HAGH: variants seen among roughly 807,000 people sequenced by gnomAD.
HAGH encodes the protein hydroxyacylglutathione hydrolase, mitochondrial.
HAGH carries 29 observed loss-of-function variants against 35.1 expected under a neutral mutation model. The ratio of observed to expected loss-of-function variants is 0.83; its 90% CI spans 0.62 to 1.13. The LOEUF is 1.13. Ranked by LOEUF, HAGH falls within the 50% of genes most tolerant of loss-of-function variation. The pLI, the probability that HAGH is intolerant of heterozygous loss-of-function variation, is 0.00. For missense variants in HAGH, 478 were observed against 419.6 expected (o/e 1.14, Z -1.22); for synonymous variants, 225 against 176.1 (o/e 1.28, Z -2.20).
chr16:1,813,462 A>G (rs141491304), intron 7 of HAGH, among the ~76,000 whole-genome samples: 4 of 152,350 alleles, frequency 2.6e-5, no homozygotes, highest in African/African-American at 9.6e-5. Context: ...GTTAATACGC[A>G]TCCACTGTAT....
Position 1,809,333 on chromosome 16 carries a change from T to G in HAGH, c.877A>C (p.Met293Leu). ...TCCTTCTCCCTGCGCACGGCCCGCA[T>G]GGTGGTCACCGGGTCCGTCTCACCT... ...HAGETDPVTT[M>L]RAVRREKDQF... The change falls in exon 9 of 9, where the codon ATG (methionine) becomes CTG (leucine). Residue 293 changes from methionine to leucine, a missense_variant. Met to Leu is a conservative substitution (Grantham distance 15). Transcript: ENST00000397356. The G allele has an allele frequency of 6.2e-7, 1 of 1,613,772 alleles. No homozygotes were observed. The highest frequency in any genetic ancestry group is 8.5e-7 in the Non-Finnish European group (1 of 1,179,920).
At chr16:1,809,997 C>T (rs1664047155) in intron 7 of HAGH, 164 bp from the exon 8 acceptor site, 4 of 609,736 alleles carry the variant, frequency 6.6e-6, no homozygotes, top group Admixed American at 5.5e-5. Context: ...GACCCTGTGT[C>T]TACTAAAAAT....
At chr16:1,820,918 C>T (rs1018591237) in intron 3 of HAGH, among the ~76,000 whole-genome samples, 2 of 152,176 alleles carry the variant, frequency 1.3e-5, no homozygotes, top group African/African-American at 4.8e-5. Flanking sequence ...TAGGACTTCA[C>T]GTGTCGGCAT....
At chr16:1,813,746 T>G (rs1897766332) in intron 7 of HAGH, among the ~76,000 whole-genome samples, 1 of 152,186 alleles carries the variant, frequency 6.6e-6, no homozygotes, top group Non-Finnish European at 1.5e-5. Context: ...TTAAAACAAC[T>G]AAAACCATTT....
At chr16:1,816,301 T>C (rs1019657017) in intron 7 of HAGH, among the ~76,000 whole-genome samples, 1 of 151,416 alleles carries the variant, frequency 6.6e-6, no homozygotes, top group Admixed American at 6.6e-5. Context: ...AATGTTAACC[T>C]CTACTCTAAG....
At chr16:1,823,336 C>G (rs1253095405) in intron 1 of HAGH, among the ~76,000 whole-genome samples, 1 of 150,874 alleles carries the variant, frequency 6.6e-6, no homozygotes, top group Non-Finnish European at 1.5e-5. Flanking sequence ...GGCGCGATCT[C>G]GGCTCACTGC....
chr16:1,813,198 A>G (rs1184030440), intron 7 of HAGH, among the ~76,000 whole-genome samples: 2 of 152,176 alleles, frequency 1.3e-5, no homozygotes, highest in African/African-American at 4.8e-5. Flanking sequence ...TAGTTCCCAC[A>G]GGATCTGGTT....
chr16:1,821,068 G>A (rs146591964), intron 3 of HAGH, among the ~76,000 whole-genome samples: 210 of 152,320 alleles, frequency 1.4e-3, no homozygotes, highest in African/African-American at 4.7e-3. Flanking sequence ...AGGGTCCCCA[G>A]GAGGAGGCAT....
At chr16:1,823,245 A>G (rs1380831070) in intron 1 of HAGH, among the ~76,000 whole-genome samples, 1 of 151,560 alleles carries the variant, frequency 6.6e-6, no homozygotes, top group Non-Finnish European at 1.5e-5. Flanking sequence ...CAGCCTGGGC[A>G]ACATAGCAAG....
intron 5 of HAGH, 150 bp downstream of exon 5, chr16:1,818,965 C>G (rs1331037452): frequency 1.6e-6 from 1 of 609,510 alleles, no homozygotes; most frequent in Admixed American, 2.8e-5. Context: ...AATCGGCCAG[C>G]CCCACCATGA....
chr16:1,824,194 C>T (rs943142918), intron 1 of HAGH, among the ~76,000 whole-genome samples: 1 of 151,482 alleles, frequency 6.6e-6, no homozygotes, highest in African/African-American at 2.4e-5. Flanking sequence ...TGCACTCCAG[C>T]CTGGGCAACA....
chr16:1,826,238 C>T (rs1389708865), intron 1 of HAGH, among the ~76,000 whole-genome samples: 3 of 151,704 alleles, frequency 2.0e-5, no homozygotes, highest in Non-Finnish European at 4.4e-5. Context: ...GGGCGAATGA[C>T]ACGCCGGGTC....
chr16:1,810,843 T>G (rs1596909332), intron 7 of HAGH: 1 of 152,046 alleles, frequency 6.6e-6, no homozygotes, highest in Non-Finnish European at 1.5e-5. Context: ...CAAGCGGGGG[T>G]CTGGTAGATG....
chr16:1,819,143 T>G lies in HAGH; in HGVS notation c.513A>C (p.Gly171=). 2 of 1,612,596 alleles carry G rather than the reference T, an allele frequency of 1.2e-6. No homozygotes were observed. The highest frequency in any genetic ancestry group is 1.1e-5 in the South Asian group (1 of 91,044). Residue 171 remains glycine, a synonymous_variant, in exon 5 of 9, where the codon GGA becomes GGC. Transcript: ENST00000397356. ...TGAACACGGCAGGGGGCTCCGAGCCTCCGGGCTTGCTCACGAAGTAACAAA... is the reference window on the plus strand; with the variant it reads ...TGAACACGGCAGGGGGCTCCGAGCCGCCGGGCTTGCTCACGAAGTAACAAA... ...GHICYFVSKP[G]GSEPPAVFTG...
In HAGH at chr16:1,808,159, A is replaced by G. The variant is rs769523082; in HGVS notation, c.*1124T>C. On this transcript the variant is annotated 3_prime_UTR_variant, in exon 9 of 9. Coordinates refer to ENST00000397356, the MANE Select transcript of HAGH (RefSeq NM_005326.6). ...GGGTCTCCCTGTTCCCCAAGCCAGA[A>G]TGCAGTGGCACAAGCAATGCTCACT... 9 of 152,178 alleles carry G rather than the reference A, an allele frequency of 5.9e-5. No homozygotes were observed. The highest frequency in any genetic ancestry group is 1.0e-4 in the Non-Finnish European group (7 of 68,046). 9.4% of individuals were successfully genotyped at this position (152,178 alleles called of 1,614,324 possible).
chr16:1,812,402 G>A (rs1367338225), intron 7 of HAGH: 7 of 151,218 alleles, frequency 4.6e-5, no homozygotes, highest in Non-Finnish European at 1.0e-4. Context: ...TACTTGGGAG[G>A]CTGAGGCATG....
chr16:1,810,329 C>T (rs1897589291), intron 7 of HAGH: 2 of 157,232 alleles, frequency 1.3e-5, no homozygotes, highest in South Asian at 1.8e-4. Context: ...CTGGAGAGGA[C>T]GACAGGGACG....
chr16:1,826,703 C>A lies in HAGH; in HGVS notation c.76+9G>T. 9.3e-7 allele frequency: 1 copy of A among 1,077,570 alleles called. No individual in the cohort carries two copies. The allele number at this position is 1,077,570 out of a possible 1,614,324, so 66.8% of individuals were successfully genotyped here. On this transcript the variant is annotated intron_variant, in intron 1 of 8. Coordinates refer to ENST00000397356, the MANE Select transcript of HAGH (RefSeq NM_005326.6). ...CGTCCCCCGGCCCGCACCGCCCCGC[C>A]GCACCCACCGAGGCCTCGGCGGGCG...
chr16:1,817,060 G>A (rs1171562990), intron 6 of HAGH, 66 bp from the exon 7 acceptor site: 5 of 1,360,052 alleles, frequency 3.7e-6, no homozygotes, highest in Middle Eastern at 1.8e-4. Context: ...TCAGGGACGG[G>A]ACCTGGATGC....
Sources: gnomAD v4.1 joint callset for allele counts (sites outside exome capture counted in the v4.1 genomes callset) on GRCh38, gnomAD v4.1.1 for gene constraint, MANE v1.5 for transcripts, NCBI Gene and HGNC (gene_info 2026-07-23, HGNC 2026-07-21) for gene names.